The following FAM193A variants were observed in gnomAD, a reference collection of about 807,000 sequenced individuals.
FAM193A encodes the protein family with sequence similarity 193 member A.
A neutral mutation model predicts 126.5 loss-of-function variants in FAM193A; 22 were observed. The observed-to-expected ratio is 0.17, with a 90% CI of 0.12 to 0.25. The LOEUF is 0.25. FAM193A is among the 10% of genes least tolerant of loss of function. The pLI, the probability that FAM193A is intolerant of heterozygous loss-of-function variation, is 1.00. For missense variants in FAM193A, 1,675 were observed against 1,672.8 expected (o/e 1.00, Z -0.02); for synonymous variants, 761 against 646.8 (o/e 1.18, Z -2.68).
rs964554575 is a variant in FAM193A, at chr4:2,722,719, C to T, written c.4454+6615C>T. ...CAAGGCAAGAACGCTGTTGGGCATTCACGAATGTTTGTGGTTGAATAAACA... is the reference window on the plus strand; with the variant it reads ...CAAGGCAAGAACGCTGTTGGGCATTTACGAATGTTTGTGGTTGAATAAACA... On this transcript the variant is annotated intron_variant, in intron 20 of 20. Transcript: ENST00000637812. Among the ~76,000 whole-genome samples the T allele has an allele frequency of 9.9e-5, 15 of 152,170 alleles. No individual in the cohort carries two copies. The East Asian group carries it at 2.7e-3, about 27-fold the overall frequency.
intron 1 of FAM193A, among the ~76,000 whole-genome samples, chr4:2,549,541 C>T (rs1413537994): frequency 1.4e-5 from 2 of 143,846 alleles, no homozygotes; most frequent in African/African-American, 2.5e-5. Flanking sequence ...GGACTACAGG[C>T]GCCCGCCACT....
chr4:2,611,838 ATT>A (rs1339000637), intron 2 of FAM193A, among the ~76,000 whole-genome samples: 13 of 136,156 alleles, frequency 9.5e-5, no homozygotes, highest in African/African-American at 1.1e-4. Context: ...GATCAAATCC[ATT>A]TTTTTTTTTT....
At chr4:2,549,808 A>G (rs1455810150) in intron 1 of FAM193A, among the ~76,000 whole-genome samples, 1 of 151,566 alleles carries the variant, frequency 6.6e-6, no homozygotes, top group African/African-American at 2.4e-5. Context: ...GCTCACTGCA[A>G]CCTCTGCCTC....
At chr4:2,717,242 A>G (rs1719641189) in intron 20 of FAM193A, among the ~76,000 whole-genome samples, 1 of 152,174 alleles carries the variant, frequency 6.6e-6, no homozygotes, top group Non-Finnish European at 1.5e-5. Flanking sequence ...AGCCTCCCAA[A>G]GTGCTGAGAT....
chr4:2,647,273 G>A (rs932743301), intron 7 of FAM193A, among the ~76,000 whole-genome samples: 1 of 152,042 alleles, frequency 6.6e-6, no homozygotes, highest in African/African-American at 2.4e-5. Flanking sequence ...AGCCTCCCGA[G>A]TAGCTGGGAT....
chr4:2,595,679 AC>A (rs754899963), intron 1 of FAM193A, among the ~76,000 whole-genome samples: 5 of 152,220 alleles, frequency 3.3e-5, no homozygotes, highest in Admixed American at 6.5e-5. Context: ...ATCTGCAGAC[AC>A]ACTTAAGCCA....
chr4:2,617,258 A>ATATAGATATATATATATATATATATT (rs1742257419), intron 2 of FAM193A, among the ~76,000 whole-genome samples: 1 of 37,286 alleles, frequency 2.7e-5, no homozygotes, highest in African/African-American at 2.8e-4. Flanking sequence ...ATATATATAT[A>ATATAGATATATATATATATATATATT]TATATTTTTT....
chr4:2,632,247 T>C (rs959130576), intron 5 of FAM193A, among the ~76,000 whole-genome samples: 17 of 152,108 alleles, frequency 1.1e-4, no homozygotes, highest in Non-Finnish European at 4.4e-5. Flanking sequence ...TATCTGATTC[T>C]CAAGTTGATG....
At chr4:2,630,653 A>C (rs1435698809) in intron 4 of FAM193A, among the ~76,000 whole-genome samples, 1 of 152,256 alleles carries the variant, frequency 6.6e-6, no homozygotes, top group African/African-American at 2.4e-5. Context: ...GCAGGCACTG[A>C]ACCCACACAC....
Position 2,695,149 on chromosome 4 carries a change from G to T in FAM193A, c.3276+20G>T. ...GGCGGGGTGAGTGCATGAGGTCAGC[G>T]CATCATGATGTGGGAAGTGTGCAAC... On this transcript the variant is annotated intron_variant, in intron 17 of 20. Transcript: ENST00000637812. The T allele has an allele frequency of 6.4e-7, 1 of 1,555,104 alleles. No homozygotes were observed.
In FAM193A at chr4:2,729,640, G is replaced by A. The variant is rs577557454; in HGVS notation, c.4455-2135G>A. On this transcript the variant is annotated intron_variant, in intron 20 of 20. Coordinates refer to ENST00000637812, the MANE Select transcript of FAM193A (RefSeq NM_001366318.2). The stretch of plus-strand genomic sequence containing the variant: ...AATTGAGGCTGCTGCAGACACATAC[G>A]GATTCGCCACCGGCAACTCAGGTAC... Among the ~76,000 whole-genome samples the A allele has an allele frequency of 3.3e-5, 5 of 152,188 alleles. No homozygotes were observed. In the East Asian group the frequency reaches 7.7e-4, roughly 24 times the overall value.
chr4:2,641,555 T>C (rs1233093222), intron 6 of FAM193A, among the ~76,000 whole-genome samples: 3 of 152,046 alleles, frequency 2.0e-5, no homozygotes, highest in African/African-American at 7.2e-5. Context: ...CTTGGGAGGC[T>C]GAGGCAGAAG....
At chr4:2,710,126 CTGAGTT>C (rs1325743956) in intron 19 of FAM193A, among the ~76,000 whole-genome samples, 1 of 139,586 alleles carries the variant, frequency 7.2e-6, no homozygotes, top group African/African-American at 2.6e-5. Flanking sequence ...TTAAAATCAT[CTGAGTT>C]TATTATTTAG....
At chr4:2,715,619 T>A (rs1719454474) in intron 19 of FAM193A, 2 of 585,164 alleles carry the variant, frequency 3.4e-6, no homozygotes, top group Non-Finnish European at 4.5e-6. Context: ...CAGCTTCTGC[T>A]GGCAGCTGTG....
At chr4:2,707,257 G>A (rs1225375593) in intron 19 of FAM193A, among the ~76,000 whole-genome samples, 1 of 152,082 alleles carries the variant, frequency 6.6e-6, no homozygotes, top group Non-Finnish European at 1.5e-5. Flanking sequence ...ATTTGTTCAA[G>A]TTTACTTTCA....
At chr4:2,559,661 C>A (rs1738480885) in intron 1 of FAM193A, among the ~76,000 whole-genome samples, 1 of 152,206 alleles carries the variant, frequency 6.6e-6, no homozygotes, top group Middle Eastern at 3.2e-3. Flanking sequence ...TCTCTGTGAA[C>A]ACACTCTGCT....
intron 1 of FAM193A, among the ~76,000 whole-genome samples, chr4:2,538,197 CTTT>C (rs940079359): frequency 6.9e-6 from 1 of 144,752 alleles, no homozygotes; most frequent in Non-Finnish European, 1.5e-5. Flanking sequence ...ACAAATTGTT[CTTT>C]TTTTTTTTTT....
intron 2 of FAM193A, among the ~76,000 whole-genome samples, chr4:2,621,819 G>A (rs1038177506): frequency 2.0e-5 from 3 of 152,034 alleles, no homozygotes; most frequent in Admixed American, 1.3e-4. Flanking sequence ...TGAAGGGAAC[G>A]GACTCGCTTA....
At chr4:2,648,962 G>A (rs1013104455) in intron 7 of FAM193A, among the ~76,000 whole-genome samples, 3 of 152,184 alleles carry the variant, frequency 2.0e-5, no homozygotes, top group Non-Finnish European at 2.9e-5. Context: ...AGAATGTCCC[G>A]GATCTGCCCC....
Sources: allele counts gnomAD v4.1 joint callset (sites outside exome capture counted in the v4.1 genomes callset), GRCh38; gene constraint gnomAD v4.1.1; transcripts MANE v1.5; gene names NCBI Gene and HGNC (gene_info 2026-07-23, HGNC 2026-07-21).